DPF3: variants seen among roughly 807,000 people sequenced by gnomAD.
DPF3 encodes the protein double PHD fingers 3.
In DPF3, 18 loss-of-function variants were observed where a neutral mutation model predicts 56.8. The observed-to-expected ratio is 0.32, with a 90% CI of 0.22 to 0.47. The LOEUF is 0.47. Ranked by LOEUF, DPF3 falls within the 20% of genes least tolerant of loss-of-function variation. The pLI is 1.00. For synonymous variants in DPF3, 188 were observed against 180.2 expected (o/e 1.04, Z -0.35); for missense variants, 403 against 488.8 (o/e 0.82, Z 1.65).
intron 1 of DPF3, among the ~76,000 whole-genome samples, chr14:72,803,027 C>G (rs191306597): frequency 6.6e-6 from 1 of 152,358 alleles, no homozygotes; most frequent in African/African-American, 2.4e-5. Context: ...GTCACATTGA[C>G]AGATAAAATA....
chr14:72,650,675 G>A (rs1021800838), intron 8 of DPF3, among the ~76,000 whole-genome samples: 5 of 152,200 alleles, frequency 3.3e-5, no homozygotes, highest in Admixed American at 3.3e-4. Flanking sequence ...CCACACAGAT[G>A]CCCCCTCTAA....
intron 9 of DPF3, among the ~76,000 whole-genome samples, chr14:72,623,255 AT>A (rs1341209146): frequency 2.6e-5 from 4 of 152,238 alleles, no homozygotes; most frequent in Non-Finnish European, 5.9e-5. Flanking sequence ...TATAAATTTG[AT>A]TTTAGAACCA....
chr14:72,656,523 T>C (rs1886066117), intron 8 of DPF3, among the ~76,000 whole-genome samples: 2 of 152,296 alleles, frequency 1.3e-5, no homozygotes, highest in Admixed American at 1.3e-4. Context: ...TATTTCCTAG[T>C]CTGGTGTAAA....
intron 4 of DPF3, among the ~76,000 whole-genome samples, chr14:72,726,735 G>T (rs2139847168): frequency 6.6e-6 from 1 of 152,160 alleles, no homozygotes; most frequent in Non-Finnish European, 1.5e-5. Context: ...TAACAGACAT[G>T]CATTCCTTGT....
At chr14:72,847,180 T>TTTACAC (rs887356447) in intron 1 of DPF3, among the ~76,000 whole-genome samples, 8 of 152,324 alleles carry the variant, frequency 5.3e-5, no homozygotes, top group Non-Finnish European at 1.2e-4. Flanking sequence ...TTTCCTTTAC[T>TTTACAC]TTACACTTAC....
At chr14:72,880,074 G>A in intron 1 of DPF3, 1 of 1,064,878 alleles carries the variant, frequency 9.4e-7, no homozygotes, top group Non-Finnish European at 1.3e-6. Flanking sequence ...AACAGACATA[G>A]TAAGTTTTCA....
In DPF3 at chr14:72,771,669, C is replaced by T. The variant is rs1049314991; in HGVS notation, c.193+64G>A. On this transcript the variant is annotated intron_variant, in intron 2 of 10. Transcript: ENST00000556509. ...GCTGCCTGGTTTCCCAGACAAGCTGCGGTCCTCCTCCCTCCAGGCTGGGAG... is the reference window on the plus strand; with the variant it reads ...GCTGCCTGGTTTCCCAGACAAGCTGTGGTCCTCCTCCCTCCAGGCTGGGAG... 7 of 1,534,104 alleles carry T rather than the reference C, an allele frequency of 4.6e-6. No homozygotes were observed. The East Asian group carries it at 1.4e-4, about 32-fold the overall frequency.
At chr14:72,832,391 A>G (rs1277526489) in intron 1 of DPF3, among the ~76,000 whole-genome samples, 1 of 152,178 alleles carries the variant, frequency 6.6e-6, no homozygotes, top group Non-Finnish European at 1.5e-5. Flanking sequence ...AGAAAAAGTT[A>G]TAAGAAATCC....
intron 1 of DPF3, among the ~76,000 whole-genome samples, chr14:72,887,177 AC>A (rs1417504866): frequency 6.6e-6 from 1 of 151,656 alleles, no homozygotes; most frequent in Non-Finnish European, 1.5e-5. Flanking sequence ...ACACACACAC[AC>A]ACACACACAC....
At chr14:72,674,949 G>C (rs569255776) in intron 7 of DPF3, among the ~76,000 whole-genome samples, 1 of 152,342 alleles carries the variant, frequency 6.6e-6, no homozygotes, top group South Asian at 2.1e-4. Flanking sequence ...CCCTGAAGGG[G>C]AGTCTCATCT....
rs1891545354 is a variant in DPF3, at chr14:72,771,824, C to G, written c.102G>C (p.Glu34Asp). 1.9e-6 allele frequency: 3 copies of G among 1,613,632 alleles called. No homozygotes were observed. The highest frequency in any genetic ancestry group is 2.7e-5 in the African/African-American group (2 of 74,912). ...CCAGGAAGGGAAGACGCACGCTGCGCTCTGCACACAGCCGTGAGTTGTAAC... is the reference window on the plus strand; with the variant it reads ...CCAGGAAGGGAAGACGCACGCTGCGGTCTGCACACAGCCGTGAGTTGTAAC... ...CRSYNSRLCA[E>D]RSVRLPFLDS... is the part of the protein sequence containing the mutation. Residue 34 changes from glutamate to aspartate, a missense_variant, in exon 2 of 11, where the codon GAG becomes GAC. Coordinates refer to ENST00000556509, the MANE Select transcript of DPF3 (RefSeq NM_001280542.3).
At chr14:72,890,560 C>T (rs568488713) in intron 1 of DPF3, among the ~76,000 whole-genome samples, 4 of 148,798 alleles carry the variant, frequency 2.7e-5, no homozygotes, top group East Asian at 4.0e-4. Context: ...TCAACCAGAA[C>T]GTGACTAATC....
chr14:72,781,983 G>A (rs1891994337), intron 1 of DPF3, among the ~76,000 whole-genome samples: 1 of 152,160 alleles, frequency 6.6e-6, no homozygotes, highest in South Asian at 2.1e-4. Flanking sequence ...CACAGACTGA[G>A]TCCTTCCTGA....
intron 1 of DPF3, among the ~76,000 whole-genome samples, chr14:72,783,070 C>T (rs569086698): frequency 1.4e-4 from 22 of 152,234 alleles, no homozygotes; most frequent in African/African-American, 5.1e-4. Flanking sequence ...ACCTCAGGAC[C>T]TTTGCATATG....
intron 2 of DPF3, among the ~76,000 whole-genome samples, chr14:72,758,007 A>G (rs1392246440): frequency 6.6e-6 from 1 of 152,198 alleles, no homozygotes; most frequent in Non-Finnish European, 1.5e-5. Flanking sequence ...AAATAATAGT[A>G]GCAAGAAAAA....
rs113767125 is a variant in DPF3 at position 72,610,411 on chromosome 14, C to T, written c.*8886G>A. ...GAATCCCAGCGTTCACAAATGGAGG[C>T]GCCCTCACCAAAGCCACTGGACCAG... On this transcript the variant is annotated 3_prime_UTR_variant, in exon 11 of 11. Transcript: ENST00000556509. 8.3e-4 allele frequency among the ~76,000 whole-genome samples: 127 copies of T among 152,262 alleles called. No individual in the cohort carries two copies. Among genetic ancestry groups the T allele is most frequent in the African/African-American group, 3.0e-3 (123 of 41,574 alleles).
chr14:72,624,130 AT>A (rs1884651436), intron 9 of DPF3, among the ~76,000 whole-genome samples: 1 of 152,102 alleles, frequency 6.6e-6, no homozygotes, highest in Non-Finnish European at 1.5e-5. Context: ...ATCACACTAT[AT>A]TTTTATTTAT....
In DPF3 at chr14:72,887,632, G is replaced by A. The variant is rs1214827832; in HGVS notation, c.32+6425C>T. ...ATAAGAGCCAGAAAGTTGTTGGCTT[G>A]AAAGGAATTTGGGGAATCAAAGTAC... is the stretch of plus-strand genomic sequence containing the variant. On this transcript the variant is annotated intron_variant, in intron 1 of 10. Coordinates refer to ENST00000556509, the MANE Select transcript of DPF3 (RefSeq NM_001280542.3). 3.3e-5 allele frequency among the ~76,000 whole-genome samples: 5 copies of A among 152,206 alleles called. No homozygotes were observed. The East Asian group carries it at 9.6e-4, about 29-fold the overall frequency.
chr14:72,830,849 C>A (rs1187156286), intron 1 of DPF3, among the ~76,000 whole-genome samples: 1 of 152,202 alleles, frequency 6.6e-6, no homozygotes, highest in Admixed American at 6.5e-5. Context: ...TGAAACCCGA[C>A]ACATCTGAGT....
Sources: gnomAD v4.1 joint callset for allele counts (sites outside exome capture counted in the v4.1 genomes callset) on GRCh38, gnomAD v4.1.1 for gene constraint, MANE v1.5 for transcripts, NCBI Gene and HGNC (gene_info 2026-07-23, HGNC 2026-07-21) for gene names.